Variants in ADAM12 observed in about 807,000 individuals in gnomAD.
The protein encoded by ADAM12 is disintegrin and metalloproteinase domain-containing protein 12.
A neutral mutation model predicts 106.4 loss-of-function variants in ADAM12; 70 were observed. That is an observed-to-expected ratio of 0.66 (90% CI 0.54 to 0.80). ADAM12 has a LOEUF of 0.80. ADAM12 is among the 30% of genes least tolerant of loss of function. The pLI is 0.00. For missense variants in ADAM12, 1,010 were observed against 1,171.9 expected (o/e 0.86, Z 2.02); for synonymous variants, 420 against 433.5 (o/e 0.97, Z 0.39).
At chr10:126,020,549 T>C (rs1222896762) in intron 21 of ADAM12, among the ~76,000 whole-genome samples, 2 of 152,166 alleles carry the variant, frequency 1.3e-5, no homozygotes, top group African/African-American at 2.4e-5. Context: ...ACTTGACCTC[T>C]TTCTCTGGAA....
intron 1 of ADAM12, among the ~76,000 whole-genome samples, chr10:126,384,460 A>G (rs1367782128): frequency 3.9e-5 from 6 of 152,202 alleles, no homozygotes; most frequent in African/African-American, 1.4e-4. Context: ...CACAGGAAGG[A>G]TGCAAGAGGA....
intron 3 of ADAM12, among the ~76,000 whole-genome samples, chr10:126,265,005 T>A (rs997590043): frequency 6.6e-6 from 1 of 152,236 alleles, no homozygotes; most frequent in African/African-American, 2.4e-5. Context: ...AATATCTATA[T>A]GGGTAATTTA....
chr10:126,226,315 G>C (rs1958195581), intron 3 of ADAM12, among the ~76,000 whole-genome samples: 1 of 152,206 alleles, frequency 6.6e-6, no homozygotes, highest in Non-Finnish European at 1.5e-5. Context: ...TCAGGAGCAG[G>C]AATAAGAGGA....
At chr10:126,250,017 A>T (rs1272114629) in intron 3 of ADAM12, among the ~76,000 whole-genome samples, 3 of 152,190 alleles carry the variant, frequency 2.0e-5, no homozygotes, top group Non-Finnish European at 1.5e-5. Flanking sequence ...AGAAAAAGAA[A>T]GGGGAAAGAA....
In ADAM12 at chr10:126,113,690, ATATATATATATATATATATATATATAT is replaced by A. The variant is rs1955922350; in HGVS notation, c.604-3877_604-3851del. Among the ~76,000 whole-genome samples, 4 of 13,890 alleles carry A rather than the reference ATATATATATATATATATATATATATAT, an allele frequency of 2.9e-4. No homozygotes were observed. The East Asian group carries it at 0.015, about 53-fold the overall frequency. 9.1% of individuals were successfully genotyped at this position (13,890 alleles called of 152,430 possible). ...AAAAAAAAAAAAAAAAAAAAAAAAT[ATATATATATATATATATATATATATAT>A]ATATATATATATATAATATATTGCT... On this transcript the variant is annotated intron_variant, in intron 6 of 22. Coordinates refer to ENST00000448723, the MANE Select transcript of ADAM12 (RefSeq NM_001288973.2).
chr10:126,071,910 G>A (rs1440739150), intron 11 of ADAM12, among the ~76,000 whole-genome samples: 3 of 152,300 alleles, frequency 2.0e-5, no homozygotes, highest in Middle Eastern at 3.4e-3. Flanking sequence ...ATGATCTTTC[G>A]ATGGTTTTCA....
At chr10:126,095,542 A>C (rs1186093527) in intron 10 of ADAM12, among the ~76,000 whole-genome samples, 1 of 150,402 alleles carries the variant, frequency 6.6e-6, no homozygotes, top group Admixed American at 6.6e-5. Context: ...TCAAAAAAAA[A>C]AAAAAAAAAA....
intron 3 of ADAM12, among the ~76,000 whole-genome samples, chr10:126,225,153 C>T (rs1958168013): frequency 6.6e-6 from 1 of 152,230 alleles, no homozygotes; most frequent in African/African-American, 2.4e-5. Flanking sequence ...GGATGAAAAA[C>T]ATTCCTGACC....
In ADAM12 at chr10:126,071,853, G is replaced by A. The variant is rs1464809026; in HGVS notation, c.1146-199C>T. Among the ~76,000 whole-genome samples the A allele has an allele frequency of 3.3e-5, 5 of 152,162 alleles. No homozygotes were observed. In the East Asian group the frequency reaches 7.7e-4, roughly 23 times the overall value. ...TCAGTTCCATCCCGACATCCATTCC[G>A]TACAGTGCCAACGCGGCTGATGAAG... is the stretch of plus-strand genomic sequence containing the variant. On this transcript the variant is annotated intron_variant, in intron 11 of 22. Coordinates refer to ENST00000448723, the MANE Select transcript of ADAM12 (RefSeq NM_001288973.2).
intron 2 of ADAM12, among the ~76,000 whole-genome samples, chr10:126,312,413 G>A (rs1350054826): frequency 6.6e-6 from 1 of 152,140 alleles, no homozygotes; most frequent in African/African-American, 2.4e-5. Context: ...CCGTGCCTCT[G>A]GATGAATGTG....
intron 2 of ADAM12, among the ~76,000 whole-genome samples, chr10:126,312,977 C>T (rs923325280): frequency 6.6e-6 from 1 of 152,230 alleles, no homozygotes; most frequent in African/African-American, 2.4e-5. Flanking sequence ...CATAAATTAG[C>T]CATGTTGGTT....
intron 1 of ADAM12, among the ~76,000 whole-genome samples, chr10:126,354,950 T>A (rs1216409628): frequency 1.3e-5 from 2 of 152,134 alleles, no homozygotes; most frequent in African/African-American, 2.4e-5. Flanking sequence ...ATCTTGGAAT[T>A]CATAGTTCAC....
chr10:126,289,983 T>G (rs1416196324), intron 2 of ADAM12, among the ~76,000 whole-genome samples: 3 of 152,100 alleles, frequency 2.0e-5, no homozygotes, highest in African/African-American at 7.2e-5. Flanking sequence ...GCAATTAAGG[T>G]TAAGGACAGG....
At chr10:126,352,594 T>G (rs921300995) in intron 1 of ADAM12, among the ~76,000 whole-genome samples, 1 of 152,208 alleles carries the variant, frequency 6.6e-6, no homozygotes, top group African/African-American at 2.4e-5. Context: ...TTGCTATGCA[T>G]GTAATTACTT....
chr10:126,318,705 G>C (rs1365245606), intron 2 of ADAM12, among the ~76,000 whole-genome samples: 1 of 152,094 alleles, frequency 6.6e-6, no homozygotes, highest in Non-Finnish European at 1.5e-5. Context: ...AAATAAATAA[G>C]AGTATTGGAT....
chr10:126,279,111 C>A, intron 2 of ADAM12, 123 bp from the exon 3 acceptor site: 1 of 693,994 alleles, frequency 1.4e-6, no homozygotes, highest in South Asian at 1.8e-5. Flanking sequence ...AAGAAAGAGC[C>A]AAATGCCATC....
chr10:126,067,407 T>C (rs1954894128), intron 12 of ADAM12, among the ~76,000 whole-genome samples: 1 of 152,240 alleles, frequency 6.6e-6, no homozygotes, highest in Non-Finnish European at 1.5e-5. Flanking sequence ...AACAAGCAAG[T>C]GGCCGGCAGG....
chr10:126,064,687 G>A lies in ADAM12; in HGVS notation c.1609+119C>T. 1.9e-6 allele frequency: 2 copies of A among 1,074,610 alleles called. No homozygotes were observed. Among genetic ancestry groups the A allele is most frequent in the Non-Finnish European group, 2.7e-6 (2 of 751,432 alleles). The allele number at this position is 1,074,610 out of a possible 1,614,324, so 66.6% of individuals were successfully genotyped here. A position where few individuals can be genotyped will look rare whatever the true frequency, so the allele number is the denominator to read the frequency against. On this transcript the variant is annotated intron_variant, in intron 14 of 22. Coordinates refer to ENST00000448723, the MANE Select transcript of ADAM12 (RefSeq NM_001288973.2). This position sits in a 1 kb window ranked among gnomAD's most constrained non-coding sequence, Gnocchi z 4.4. ...TCACTCCCGACTGAACACACCGGAT[G>A]CTGTGTGGACAGCGCCCGCCAGGAG...
chr10:126,248,800 G>T (rs1312806264), intron 3 of ADAM12, among the ~76,000 whole-genome samples: 7 of 151,962 alleles, frequency 4.6e-5, no homozygotes, highest in African/African-American at 1.5e-4. Context: ...CCGCCTCCTG[G>T]GTTCAAGTGA....
Sources: gnomAD v4.1 joint callset for allele counts (sites outside exome capture counted in the v4.1 genomes callset) on GRCh38, gnomAD v4.1.1 for gene constraint, Gnocchi (gnomAD v3.1) non-coding constraint, MANE v1.5 for transcripts, NCBI Gene and HGNC (gene_info 2026-07-23, HGNC 2026-07-21) for gene names.